Variants in NR6A1 observed in about 807,000 individuals in gnomAD.
NR6A1 encodes the protein nuclear receptor subfamily 6 group A member 1, also known as retinoic acid receptor-related testis-associated receptor.
In NR6A1, 7 loss-of-function variants were observed where a neutral mutation model predicts 59.1. The observed-to-expected ratio is 0.12, with a 90% CI of 0.07 to 0.22. NR6A1 has a LOEUF of 0.22. NR6A1 is among the 10% of genes least tolerant of loss of function. The probability of loss-of-function intolerance (pLI) is 1.00; values close to 1 mark genes in which losing one functional copy is unlikely to be tolerated. For synonymous variants in NR6A1, 243 were observed against 236.1 expected (o/e 1.03, Z -0.27); for missense variants, 468 against 611.6 (o/e 0.77, Z 2.48).
At chr9:124,598,352 A>G (rs1023912868) in intron 2 of NR6A1, among the ~76,000 whole-genome samples, 3 of 136,588 alleles carry the variant, frequency 2.2e-5, no homozygotes, top group African/African-American at 8.8e-5. Context: ...GTCCCTACTT[A>G]AAAAAAAAAA....
At chr9:124,525,549 G>A (rs1021161925) in intron 8 of NR6A1, among the ~76,000 whole-genome samples, 19 of 152,000 alleles carry the variant, frequency 1.3e-4, no homozygotes, top group Non-Finnish European at 2.4e-4. Flanking sequence ...TAGAGATGGG[G>A]TCTCACTACG....
intron 2 of NR6A1, among the ~76,000 whole-genome samples, chr9:124,729,875 C>T (rs545503854): frequency 6.6e-6 from 1 of 151,284 alleles, no homozygotes; most frequent in Non-Finnish European, 1.5e-5. Flanking sequence ...TGCAATGGCA[C>T]GATCTCGGCT....
At chr9:124,581,789 A>G (rs1263188989) in intron 2 of NR6A1, among the ~76,000 whole-genome samples, 1 of 152,238 alleles carries the variant, frequency 6.6e-6, no homozygotes, top group Non-Finnish European at 1.5e-5. Context: ...GCTTCTCAAA[A>G]GAAGACATTT....
chr9:124,680,382 T>A (rs143003484), intron 2 of NR6A1, among the ~76,000 whole-genome samples: 1 of 152,208 alleles, frequency 6.6e-6, no homozygotes, highest in East Asian at 1.9e-4. Flanking sequence ...CAATATCTAT[T>A]AAATAAACTG....
At chr9:124,566,552 G>A (rs1834246052) in intron 2 of NR6A1, among the ~76,000 whole-genome samples, 1 of 152,184 alleles carries the variant, frequency 6.6e-6, no homozygotes, top group Non-Finnish European at 1.5e-5. Context: ...AATGGTGGGA[G>A]ATACATCTTG....
intron 1 of NR6A1, among the ~76,000 whole-genome samples, chr9:124,742,267 A>G (rs998474060): frequency 6.6e-6 from 1 of 152,190 alleles, no homozygotes; most frequent in African/African-American, 2.4e-5. Context: ...AAGGAGTTTT[A>G]AAAAAATAAA....
chr9:124,548,698 C>T (rs1833680764), intron 3 of NR6A1, among the ~76,000 whole-genome samples: 1 of 152,200 alleles, frequency 6.6e-6, no homozygotes, highest in East Asian at 1.9e-4. Flanking sequence ...CACAGGATCA[C>T]TGCCTCACAA....
chr9:124,548,304 T>TA (rs1309754447), intron 3 of NR6A1, among the ~76,000 whole-genome samples: 3 of 152,080 alleles, frequency 2.0e-5, no homozygotes, highest in Non-Finnish European at 2.9e-5. Flanking sequence ...AGAACAAAAT[T>TA]TTAAAGTCTT....
At chr9:124,664,636 C>G (rs1044064620) in intron 2 of NR6A1, among the ~76,000 whole-genome samples, 1 of 152,142 alleles carries the variant, frequency 6.6e-6, no homozygotes, top group Non-Finnish European at 1.5e-5. Context: ...ATGAATGATT[C>G]TGATAAATCA....
chr9:124,527,425 A>C (rs896976878), intron 7 of NR6A1, among the ~76,000 whole-genome samples: 7 of 152,238 alleles, frequency 4.6e-5, no homozygotes, highest in African/African-American at 1.4e-4. Flanking sequence ...GAGGTTATGC[A>C]TAGTGAAAAT....
chr9:124,627,324 A>G (rs1000068374), intron 2 of NR6A1, among the ~76,000 whole-genome samples: 9 of 152,156 alleles, frequency 5.9e-5, no homozygotes, highest in African/African-American at 9.7e-5. Context: ...GCCTTAAAAA[A>G]CAAACAAACA....
At chr9:124,566,859 A>G (rs1834257687) in intron 2 of NR6A1, among the ~76,000 whole-genome samples, 1 of 152,242 alleles carries the variant, frequency 6.6e-6, no homozygotes, top group South Asian at 2.1e-4. Context: ...CTGTAATCCC[A>G]GCACTTTGGG....
chr9:124,728,908 C>A (rs6478681), intron 2 of NR6A1, among the ~76,000 whole-genome samples: 151,907 of 152,330 alleles, frequency 1, 75,746 homozygotes, highest in Middle Eastern at 1. Context: ...CACTTGTTAT[C>A]CATCACTGAT....
intron 2 of NR6A1, among the ~76,000 whole-genome samples, chr9:124,584,860 T>A (rs902102183): frequency 2.6e-5 from 4 of 152,274 alleles, no homozygotes; most frequent in Middle Eastern, 3.4e-3. Context: ...TTAAGCTTAA[T>A]GAGGAAGGCA....
At chr9:124,712,368 G>C (rs973447080) in intron 2 of NR6A1, among the ~76,000 whole-genome samples, 9 of 152,116 alleles carry the variant, frequency 5.9e-5, no homozygotes, top group African/African-American at 2.2e-4. Context: ...CAGCACTTTG[G>C]GAGGCCGAGG....
At chr9:124,599,117 G>A (rs1387774051) in intron 2 of NR6A1, 3 of 682,232 alleles carry the variant, frequency 4.4e-6, no homozygotes, top group African/African-American at 3.6e-5. Context: ...ACGGTTCTCT[G>A]CGGCAAATCA....
At chr9:124,543,903 T>C (rs1042382406) in intron 3 of NR6A1, 46 bp from the exon 4 acceptor site, 1 of 1,537,972 alleles carries the variant, frequency 6.5e-7, no homozygotes, top group Non-Finnish European at 9.0e-7. Flanking sequence ...AGCACACTCA[T>C]ATAAGTCTTA....
At chr9:124,741,153 C>T (rs995051419) in intron 1 of NR6A1, among the ~76,000 whole-genome samples, 5 of 152,144 alleles carry the variant, frequency 3.3e-5, no homozygotes, top group African/African-American at 4.8e-5. Context: ...ATGTGACTGG[C>T]GTGAATGAGG....
chr9:124,535,788 C>T, intron 7 of NR6A1, 90 bp downstream of exon 7: 1 of 1,503,140 alleles, frequency 6.7e-7, no homozygotes, highest in Admixed American at 1.7e-5. Context: ...AGGTGTAGTG[C>T]CTATCCTCTG....
Sources: gnomAD v4.1 joint callset for allele counts (sites outside exome capture counted in the v4.1 genomes callset) on GRCh38, gnomAD v4.1.1 for gene constraint, MANE v1.5 for transcripts, NCBI Gene and HGNC (gene_info 2026-07-23, HGNC 2026-07-21) for gene names.